FMN2: variants seen among roughly 807,000 people sequenced by gnomAD.
FMN2 encodes the protein formin 2, also known as formin-2.
FMN2 carries 51 observed loss-of-function variants against 142.3 expected under a neutral mutation model. That is an observed-to-expected ratio of 0.36 (90% CI 0.29 to 0.45). The LOEUF is 0.45. Ranked by LOEUF, FMN2 falls within the 20% of genes least tolerant of loss-of-function variation. FMN2 has a pLI of 1.00. For missense variants in FMN2, 1,936 were observed against 2,122.8 expected (o/e 0.91, Z 1.73); for synonymous variants, 882 against 869.8 (o/e 1.01, Z -0.25).
chr1:240,288,144 G>C (rs1332142747), intron 7 of FMN2, among the ~76,000 whole-genome samples: 1 of 152,142 alleles, frequency 6.6e-6, no homozygotes, highest in Admixed American at 6.5e-5. Flanking sequence ...GTTTTTCCAA[G>C]TCTTTTGTGT....
At chr1:240,340,484 G>A (rs1279080770) in intron 13 of FMN2, among the ~76,000 whole-genome samples, 1 of 152,134 alleles carries the variant, frequency 6.6e-6, no homozygotes, top group East Asian at 1.9e-4. Context: ...GGGAGGCTGA[G>A]GCAGGAGAAT....
At chr1:240,269,775 T>G (rs1668934914) in intron 7 of FMN2, among the ~76,000 whole-genome samples, 1 of 152,026 alleles carries the variant, frequency 6.6e-6, no homozygotes, top group Non-Finnish European at 1.5e-5. Context: ...TGGTTAAATT[T>G]TCTCCTAAGT....
chr1:240,275,204 A>ACATTAGGTATTTCTCCT (rs1669159103), intron 7 of FMN2, among the ~76,000 whole-genome samples: 1 of 151,412 alleles, frequency 6.6e-6, no homozygotes, highest in Admixed American at 6.6e-5. Flanking sequence ...CCCGTCACCT[A>ACATTAGGTATTTCTCCT]CATTAGGTAT....
chr1:240,323,248 G>T (rs570514742), intron 8 of FMN2, among the ~76,000 whole-genome samples: 240 of 150,532 alleles, frequency 1.6e-3, no homozygotes, highest in African/African-American at 5.7e-3. Flanking sequence ...AGGCTGGAGT[G>T]CAGTGGCCCA....
rs376625689 is a variant in FMN2 at position 240,187,182 on chromosome 1, A to C, written c.1931-1025A>C. ...CTATTCGGGAGGCTGAGGCAGGAGA[A>C]TCGCTTGAACCCAGGAGGCGGAGGT... On this transcript the variant is annotated intron_variant, in intron 3 of 17. Transcript: ENST00000319653. 1.2e-3 allele frequency among the ~76,000 whole-genome samples: 172 copies of C among 148,438 alleles called. 4 individuals carry two copies. The South Asian group carries it at 0.027, about 24-fold the overall frequency.
intron 16 of FMN2, among the ~76,000 whole-genome samples, chr1:240,439,279 A>AAAAAAAAAAAAGAAAGAAAG (rs555074808): frequency 1.6e-5 from 2 of 124,724 alleles, no homozygotes; most frequent in Admixed American, 8.9e-5. Context: ...TCAAAAAAAA[A>AAAAAAAAAAAAGAAAGAAAG]AAAGAAAGAA....
rs529038415 is a variant in FMN2, at chr1:240,293,074, A to T, written c.4154-1748A>T. 1.2e-4 allele frequency among the ~76,000 whole-genome samples: 18 copies of T among 152,248 alleles called. No individual in the cohort carries two copies. In the South Asian group the frequency reaches 3.7e-3, roughly 32 times the overall value. ...TTAGGAGCACATAACATGTATTAAG[A>T]TATTCATTATTAAGAATATTCTTTC... On this transcript the variant is annotated intron_variant, in intron 7 of 17. Transcript: ENST00000319653.
chr1:240,354,608 A>G (rs1412406578), intron 13 of FMN2, among the ~76,000 whole-genome samples: 1 of 152,188 alleles, frequency 6.6e-6, no homozygotes, highest in African/African-American at 2.4e-5. Context: ...GGATCTGCCT[A>G]CGCTGATCTT....
intron 13 of FMN2, among the ~76,000 whole-genome samples, chr1:240,341,638 A>G (rs1236705106): frequency 5.3e-5 from 8 of 152,332 alleles, no homozygotes; most frequent in Non-Finnish European, 7.3e-5. Flanking sequence ...GAGACCTTCT[A>G]TCAGTGAATG....
chr1:240,160,432 C>T (rs952553897), intron 2 of FMN2, among the ~76,000 whole-genome samples: 1 of 150,098 alleles, frequency 6.7e-6, no homozygotes, highest in African/African-American at 2.4e-5. Flanking sequence ...ATTTAAAAGC[C>T]ACATATTTTT....
chr1:240,223,320 C>T (rs993813167), intron 6 of FMN2, among the ~76,000 whole-genome samples: 2 of 152,126 alleles, frequency 1.3e-5, no homozygotes, highest in African/African-American at 4.8e-5. Flanking sequence ...AGCCTTGCAT[C>T]CCAGGGATTA....
chr1:240,439,168 G>C (rs978530611), intron 16 of FMN2, among the ~76,000 whole-genome samples: 5 of 151,462 alleles, frequency 3.3e-5, no homozygotes, highest in Admixed American at 3.3e-4. Context: ...AGCTACTTGC[G>C]AGACTGAGGC....
chr1:240,114,176 C>T (rs951480724), intron 1 of FMN2, among the ~76,000 whole-genome samples: 19 of 152,152 alleles, frequency 1.2e-4, no homozygotes, highest in African/African-American at 4.6e-4. Flanking sequence ...AAGCTCCAGA[C>T]ATCATGTTAT....
At chr1:240,097,063 A>G (rs148418082) in intron 1 of FMN2, among the ~76,000 whole-genome samples, 1 of 152,330 alleles carries the variant, frequency 6.6e-6, no homozygotes, top group Admixed American at 6.5e-5. Flanking sequence ...TAAAGTTTAG[A>G]TATCCAACGT....
intron 7 of FMN2, among the ~76,000 whole-genome samples, chr1:240,266,861 T>G (rs1013859872): frequency 6.6e-6 from 1 of 152,082 alleles, no homozygotes; most frequent in African/African-American, 2.4e-5. Context: ...GACTCCCTAT[T>G]TAATAAATGG....
intron 1 of FMN2, 94 bp from the exon 2 acceptor site, chr1:240,123,085 T>TCCCTGGCAGTGTTTACCCAGCCGCTGTC (rs1662346969): frequency 7.2e-7 from 1 of 1,386,536 alleles, no homozygotes; most frequent in East Asian, 2.3e-5. Context: ...ACGGTGTTGT[T>TCCCTGGCAGTGTTTACCCAGCCGCTGTC]CCCTGGCAGT....
chr1:240,465,585 A>G (rs1676590447), intron 16 of FMN2, among the ~76,000 whole-genome samples: 1 of 152,142 alleles, frequency 6.6e-6, no homozygotes, highest in South Asian at 2.1e-4. Context: ...CAGCTCCACA[A>G]TGCACTTAAC....
At chr1:240,362,291 C>T (rs981311399) in intron 14 of FMN2, among the ~76,000 whole-genome samples, 9 of 152,160 alleles carry the variant, frequency 5.9e-5, no homozygotes, top group East Asian at 1.9e-4. Context: ...ATTTTTCTGT[C>T]GCAAAACCAA....
chr1:240,122,876 G>T (rs1191233317), intron 1 of FMN2, among the ~76,000 whole-genome samples: 1 of 152,172 alleles, frequency 6.6e-6, no homozygotes. Context: ...AACATAGCAA[G>T]ACCCTATCTG....
Sources: allele counts gnomAD v4.1 joint callset (sites outside exome capture counted in the v4.1 genomes callset), GRCh38; gene constraint gnomAD v4.1.1; transcripts MANE v1.5; gene names NCBI Gene and HGNC (gene_info 2026-07-23, HGNC 2026-07-21).